Variants in ADSS1 observed in about 807,000 individuals in gnomAD.
ADSS1 encodes the protein adenylosuccinate synthetase isozyme 1.
In ADSS1, 57 loss-of-function variants were observed where a neutral mutation model predicts 59.1. The observed-to-expected ratio is 0.97, with a 90% CI of 0.78 to 1.20. The LOEUF (loss-of-function observed/expected upper bound fraction) is 1.20. Ranked by LOEUF, ADSS1 falls within the 50% of genes most tolerant of loss-of-function variation. ADSS1 has a pLI of 0.00. For missense variants in ADSS1, 603 were observed against 610.3 expected (o/e 0.99, Z 0.13); for synonymous variants, 247 against 249.4 (o/e 0.99, Z 0.09).
At chr14:104,738,311 C>T in intron 2 of ADSS1, 65 bp from the exon 3 acceptor site, 2 of 1,567,332 alleles carry the variant, frequency 1.3e-6, no homozygotes, top group East Asian at 2.3e-5. Context: ...TCATGCTGTT[C>T]TTAATGTATG....
intron 8 of ADSS1, 150 bp from the exon 9 acceptor site, chr14:104,741,697 TC>T: frequency 1.1e-6 from 1 of 923,988 alleles, no homozygotes; most frequent in Non-Finnish European, 1.6e-6. Flanking sequence ...ATTCGGCCAC[TC>T]CACCAGGACA....
intron 1 of ADSS1, chr14:104,729,818 G>A (rs1326098431): frequency 1.3e-5 from 6 of 465,930 alleles, no homozygotes; most frequent in African/African-American, 9.9e-5. Flanking sequence ...CGTCGGCGTC[G>A]TGGGGAGGAG....
chr14:104,737,116 C>T (rs1437280479), intron 2 of ADSS1: 1 of 151,936 alleles, frequency 6.6e-6, no homozygotes, highest in East Asian at 1.9e-4. Flanking sequence ...TACATAGTCA[C>T]CTCTGGGTTC....
chr14:104,746,993 A>T lies in ADSS1; in HGVS notation c.1364A>T (p.Gln455Leu), dbSNP rs957469815. ...GVGKSRESMI[Q>L]LF is the part of the protein sequence containing the mutation. ...GGCAAGTCAAGAGAGTCGATGATCC[A>T]GCTGTTTTAGTCACAGACTGAGCTG... Residue 455 changes from glutamine to leucine, a missense_variant, in exon 13 of 13, where the codon CAG becomes CTG. Gln to Leu is a moderately radical substitution (Grantham distance 113). Transcript: ENST00000330877. The T allele has an allele frequency of 1.8e-5, 29 of 1,613,964 alleles. No homozygotes were observed. Among genetic ancestry groups the T allele is most frequent in the Non-Finnish European group, 2.5e-5 (29 of 1,179,928 alleles).
rs1395410241 is a variant in ADSS1 at position 104,738,799 on chromosome 14, C to T, written c.358+361C>T. Among the ~76,000 whole-genome samples, 4 of 152,210 alleles carry T rather than the reference C, an allele frequency of 2.6e-5. No homozygotes were observed. The South Asian group carries it at 6.2e-4, about 24-fold the overall frequency. On this transcript the variant is annotated intron_variant, in intron 3 of 12. Coordinates refer to ENST00000330877, the MANE Select transcript of ADSS1 (RefSeq NM_152328.5). The stretch of plus-strand genomic sequence containing the variant: ...GCTCTGCGGAGCATCTGGCCAGGCA[C>T]GCAGAGGCCAGACCCACCAGCTGGG...
At chr14:104,741,771 T>C (rs1226200182) in intron 8 of ADSS1, 77 bp from the exon 9 acceptor site, 2 of 1,566,602 alleles carry the variant, frequency 1.3e-6, no homozygotes, top group African/African-American at 2.7e-5. Flanking sequence ...TGCCCTTTAC[T>C]GAGAAGGCCT....
In ADSS1 at chr14:104,741,322, C is replaced by T. The variant is rs180749377; in HGVS notation, c.793+79C>T. 2.8e-3 allele frequency: 4,112 copies of T among 1,491,320 alleles called. 6 individuals carry two copies. Among genetic ancestry groups the T allele is most frequent in the Non-Finnish European group, 3.2e-3 (3,565 of 1,120,542 alleles). 92.4% of individuals were successfully genotyped at this position (1,491,320 alleles called of 1,614,324 possible). On this transcript the variant is annotated intron_variant, in intron 8 of 12. Transcript: ENST00000330877. ...CCCAGCTGCGGAGAGCCGTGGGAAC[C>T]GATGGGGGAGGGAGGGGCAGACCCG...
Position 104,724,239 on chromosome 14 carries a change from C to T in ADSS1, c.-32C>T, listed in dbSNP as rs947070620. 17 of 1,222,560 alleles carry T rather than the reference C, an allele frequency of 1.4e-5. No homozygotes were observed. Among genetic ancestry groups the T allele is most frequent in the Middle Eastern group, 3.1e-4 (1 of 3,178 alleles). The allele number at this position is 1,222,560 out of a possible 1,614,324, so 75.7% of individuals were successfully genotyped here. The stretch of plus-strand genomic sequence containing the variant: ...GACGCCGGCGGCGGCGGGCTCCTGG[C>T]CGGGCCAGCGCAGCGGAAGAGCCAA... On this transcript the variant is annotated 5_prime_UTR_variant, in exon 1 of 13. Transcript: ENST00000330877.
In ADSS1 at chr14:104,727,442, C is replaced by T. The variant is rs530226968; in HGVS notation, c.192+2980C>T. ...TCTTCCTCCTTGCCTGCTCCCCTGG[C>T]TGCTTCCAAGCCTCTCTCCCCTCCA... is the stretch of plus-strand genomic sequence containing the variant. On this transcript the variant is annotated intron_variant, in intron 1 of 12. Transcript: ENST00000330877. Among the ~76,000 whole-genome samples, 292 of 152,212 alleles carry T rather than the reference C, an allele frequency of 1.9e-3. 3 individuals carry two copies. Among genetic ancestry groups the T allele is most frequent in the African/African-American group, 6.0e-3 (249 of 41,524 alleles).
At chr14:104,727,530 C>T (rs1387139860) in intron 1 of ADSS1, among the ~76,000 whole-genome samples, 1 of 152,156 alleles carries the variant, frequency 6.6e-6, no homozygotes, top group Non-Finnish European at 1.5e-5. Context: ...CATCGTCTGC[C>T]TGTCTGTGCT....
At position 104,743,153 on chromosome 14, in the gene ADSS1, G is replaced by A. The variant is rs1242253233; in HGVS notation, c.1035G>A (p.Met345Ile). The A allele has an allele frequency of 6.2e-7, 1 of 1,612,398 alleles. No homozygotes were observed. ...GGCGCTGCGGCTGGCTCGACCTGAT[G>A]ATTCTAAGATATGCTCACATGGTCA... Reference protein sequence around the residue: ...RKRRCGWLDLMILRYAHMVNG... With the variant: ...RKRRCGWLDLIILRYAHMVNG... Residue 345 changes from methionine to isoleucine, a missense_variant, in exon 10 of 13, where the codon ATG becomes ATA. Physicochemically the swap from Met to Ile is conservative, Grantham distance 10. Coordinates refer to ENST00000330877, the MANE Select transcript of ADSS1 (RefSeq NM_152328.5).
chr14:104,734,972 G>C, intron 1 of ADSS1, 48 bp from the exon 2 acceptor site: 1 of 1,543,016 alleles, frequency 6.5e-7, no homozygotes, highest in Non-Finnish European at 8.9e-7. Context: ...ATGTCCGGGG[G>C]GTCCTCAGTA....
At chr14:104,724,762 G>A (rs1023049671) in intron 1 of ADSS1, among the ~76,000 whole-genome samples, 15 of 152,108 alleles carry the variant, frequency 9.9e-5, no homozygotes, top group Admixed American at 6.5e-5. Flanking sequence ...TTAGGGGGTG[G>A]CGCATGCCAT....
intron 2 of ADSS1, among the ~76,000 whole-genome samples, chr14:104,735,506 C>T (rs889379041): frequency 1.3e-5 from 2 of 152,232 alleles, no homozygotes; most frequent in Non-Finnish European, 2.9e-5. Context: ...TATGTGCTTG[C>T]GACAGGCCTG....
At chr14:104,735,404 TC>T (rs1891083778) in intron 2 of ADSS1, among the ~76,000 whole-genome samples, 1 of 152,190 alleles carries the variant, frequency 6.6e-6, no homozygotes, top group Non-Finnish European at 1.5e-5. Context: ...TGATCCCTGA[TC>T]CCTGATCCCT....
Position 104,747,106 on chromosome 14 carries a change from A to C in ADSS1, c.*103A>C. 9.4e-7 allele frequency: 1 copy of C among 1,064,166 alleles called. No individual in the cohort carries two copies. The highest frequency in any genetic ancestry group is 1.4e-6 in the Non-Finnish European group (1 of 739,366). 65.9% of individuals were successfully genotyped at this position (1,064,166 alleles called of 1,614,324 possible). On this transcript the variant is annotated 3_prime_UTR_variant, in exon 13 of 13. Transcript: ENST00000330877. ...GCCACAACCAACACCAAAGCAGGAA[A>C]ACCATTTTCTGTACTTTTATATTTC...
chr14:104,739,852 C>T, intron 5 of ADSS1, 36 bp downstream of exon 5: 1 of 1,609,402 alleles, frequency 6.2e-7, no homozygotes, highest in Non-Finnish European at 8.5e-7. Context: ...CTCGGGGAGT[C>T]TTCTGGGCCC....
Position 104,740,712 on chromosome 14 carries a change from C to T in ADSS1, c.584+4C>T. 8 of 1,613,954 alleles carry T rather than the reference C, an allele frequency of 5.0e-6. No individual in the cohort carries two copies. Among genetic ancestry groups the T allele is most frequent in the Non-Finnish European group, 5.9e-6 (7 of 1,179,984 alleles). ...ATTTTGATGAGTTTTCCTCCAGGTACCTGAGCCGTCTGCAGTCCCCGGGGA... is the reference window on the plus strand; with the variant it reads ...ATTTTGATGAGTTTTCCTCCAGGTATCTGAGCCGTCTGCAGTCCCCGGGGA... On this transcript the variant is annotated splice_donor_region_variant and intron_variant, in intron 6 of 12. Transcript: ENST00000330877. The surrounding 1 kb of genome is among the most constrained non-coding windows in gnomAD (Gnocchi z 4.8).
At position 104,743,191 on chromosome 14, in the gene ADSS1, C is replaced by T. The variant is rs139545166; in HGVS notation, c.1073C>T (p.Ala358Val). 651 of 1,610,040 alleles carry T rather than the reference C, an allele frequency of 4.0e-4. 1 individual carries two copies. The African/African-American group carries it at 7.8e-3, about 19-fold the overall frequency. The change falls in exon 10 of 13, where the codon GCG becomes GTG. Residue 358 changes from alanine (A) to valine (V), a missense_variant and splice_region_variant. Coordinates refer to ENST00000330877, the MANE Select transcript of ADSS1 (RefSeq NM_152328.5). ...RYAHMVNGFT[A>V]LALTKLDILD... ...GCTCACATGGTCAACGGATTCACTGCGTAAGCAACCCATGCTGCCATCCCC... is the reference window on the plus strand; with the variant it reads ...GCTCACATGGTCAACGGATTCACTGTGTAAGCAACCCATGCTGCCATCCCC...
Sources: allele counts gnomAD v4.1 joint callset (sites outside exome capture counted in the v4.1 genomes callset), GRCh38; gene constraint gnomAD v4.1.1; non-coding constraint Gnocchi (gnomAD v3.1); transcripts MANE v1.5; gene names NCBI Gene and HGNC (gene_info 2026-07-23, HGNC 2026-07-21).